Variants in SORD observed in about 807,000 individuals in gnomAD.
SORD encodes the protein (R,R)-butanediol dehydrogenase.
SORD carries 18 observed loss-of-function variants against 35.6 expected under a neutral mutation model. The observed-to-expected ratio is 0.51, with a 90% CI of 0.35 to 0.75. The LOEUF (loss-of-function observed/expected upper bound fraction) is 0.75, where lower values mean the gene tolerates loss of function less well. Ranked by LOEUF, SORD falls within the 30% of genes least tolerant of loss-of-function variation. SORD has a pLI of 0.01. For missense variants in SORD, 250 were observed against 390.2 expected, an observed-to-expected ratio of 0.64 and a Z score of 3.03; for synonymous variants, 106 against 152.9, an observed-to-expected ratio of 0.69 and a Z score of 2.26.
At chr15:45,062,347 A>G (rs1893330606) in intron 4 of SORD, among the ~76,000 whole-genome samples, 1 of 152,210 alleles carries the variant, frequency 6.6e-6, no homozygotes. Flanking sequence ...AGTCTGGAGG[A>G]AGCAAAGTGC....
In SORD at chr15:45,074,350, C is replaced by T. The variant is rs892039996; in HGVS notation, c.*820C>T. The T allele has an allele frequency of 6.7e-6, 1 of 149,630 alleles. No individual in the cohort carries two copies. Among genetic ancestry groups the T allele is most frequent in the Admixed American group, 6.6e-5 (1 of 15,162 alleles). The allele number at this position is 149,630 out of a possible 1,614,324, so 9.3% of individuals were successfully genotyped here. On this transcript the variant is annotated 3_prime_UTR_variant, in exon 9 of 9. Transcript: ENST00000267814. ...AACCAGGAAACTGCTACTTGTGGAC[C>T]TCACCAGAGACCAGGAGGGTTTGGT...
chr15:45,037,765 C>T (rs909177879), intron 1 of SORD, among the ~76,000 whole-genome samples: 4 of 151,236 alleles, frequency 2.6e-5, no homozygotes, highest in African/African-American at 9.7e-5. Flanking sequence ...AATACATGGA[C>T]ACAGGGAGGG....
At chr15:45,026,666 T>A (rs1892674236) in intron 1 of SORD, among the ~76,000 whole-genome samples, 1 of 152,244 alleles carries the variant, frequency 6.6e-6, no homozygotes, top group Non-Finnish European at 1.5e-5. Context: ...AATGTATAAA[T>A]TTTCAAGGGA....
chr15:45,044,020 G>A (rs745392301), intron 3 of SORD, among the ~76,000 whole-genome samples: 170 of 152,228 alleles, frequency 1.1e-3, no homozygotes, highest in Non-Finnish European at 2.1e-3. Context: ...ATAAGGTCAC[G>A]TTATTTGGGG....
intron 1 of SORD, among the ~76,000 whole-genome samples, chr15:45,036,040 G>T (rs2141266499): frequency 6.6e-6 from 1 of 150,752 alleles, no homozygotes; most frequent in South Asian, 2.1e-4. Context: ...AACAACTGCA[G>T]AAACGCTGGC....
In SORD at chr15:45,068,896, G is replaced by A; in HGVS notation, c.630G>A (p.Leu210=). 5 of 1,478,086 alleles carry A rather than the reference G, an allele frequency of 3.4e-6. No individual in the cohort carries two copies. The highest frequency in any genetic ancestry group is 4.5e-6 in the Non-Finnish European group (5 of 1,110,590). 91.6% of individuals were successfully genotyped at this position (1,478,086 alleles called of 1,614,324 possible). The part of the protein sequence containing the change: ...VVVTDLSATR[L]SKAKEIGADL... ...CTTCAGATCTGTCTGCTACCCGATT[G>A]TCCAAAGCCAAGGAGATTGGGGCTG... Residue 210 remains leucine, a synonymous_variant, in exon 7 of 9, where the codon TTG becomes TTA. Transcript: ENST00000267814.
At chr15:45,062,187 T>G (rs1230522453) in intron 4 of SORD, among the ~76,000 whole-genome samples, 1 of 152,104 alleles carries the variant, frequency 6.6e-6, no homozygotes, top group Non-Finnish European at 1.5e-5. Context: ...TGGGCACCGT[T>G]ATTGGGTTAA....
Position 45,025,671 on chromosome 15 carries a change from G to A in SORD, c.66+2322G>A, listed in dbSNP as rs138578157. Reference sequence around the variant, plus strand: ...ATGTCTCTGGGACAGGACACAAGGTGCCTTTGAGAAATTTCCTTGGGTGCA... The same window carrying A: ...ATGTCTCTGGGACAGGACACAAGGTACCTTTGAGAAATTTCCTTGGGTGCA... On this transcript the variant is annotated intron_variant, in intron 1 of 8. Coordinates refer to ENST00000267814, the MANE Select transcript of SORD (RefSeq NM_003104.6). Among the ~76,000 whole-genome samples the A allele has an allele frequency of 2.7e-3, 411 of 151,688 alleles. 1 individual carries two copies. Among genetic ancestry groups the A allele is most frequent in the African/African-American group, 9.4e-3 (388 of 41,334 alleles).
intron 1 of SORD, among the ~76,000 whole-genome samples, chr15:45,038,898 T>C (rs1892918792): frequency 6.6e-6 from 1 of 152,162 alleles, no homozygotes; most frequent in Non-Finnish European, 1.5e-5. Context: ...TCATCACTTG[T>C]TTGGCATCTC....
chr15:45,034,030 T>C (rs1313640175), intron 1 of SORD, among the ~76,000 whole-genome samples: 2 of 152,234 alleles, frequency 1.3e-5, no homozygotes, highest in Admixed American at 6.5e-5. Context: ...AACAGTGGCC[T>C]CCTGTAATTT....
intron 5 of SORD, among the ~76,000 whole-genome samples, chr15:45,066,983 C>T (rs759428117): frequency 3.9e-5 from 6 of 152,196 alleles, no homozygotes; most frequent in African/African-American, 7.2e-5. Flanking sequence ...CCAAGAGAAC[C>T]ACTGTTAATA....
intron 1 of SORD, among the ~76,000 whole-genome samples, chr15:45,032,785 G>C (rs1343467908): frequency 6.6e-6 from 1 of 152,116 alleles, no homozygotes; most frequent in African/African-American, 2.4e-5. Flanking sequence ...AACACAGCTA[G>C]AACAAAGCCT....
chr15:45,051,241 T>C (rs1294653756), intron 3 of SORD, among the ~76,000 whole-genome samples: 2 of 152,242 alleles, frequency 1.3e-5, no homozygotes, highest in African/African-American at 4.8e-5. Context: ...TTAATTATGA[T>C]TGATAGCAAA....
Position 45,056,682 on chromosome 15 carries a change from A to G in SORD, c.266-4385A>G, listed in dbSNP as rs557548755. On this transcript the variant is annotated intron_variant, in intron 3 of 8. Coordinates refer to ENST00000267814, the MANE Select transcript of SORD (RefSeq NM_003104.6). ...TTACCTGTTTTCATTTTAAGTGGCCATTATGGGGATGTGGAATTTTTATAC... is the reference window on the plus strand; with the variant it reads ...TTACCTGTTTTCATTTTAAGTGGCCGTTATGGGGATGTGGAATTTTTATAC... Among the ~76,000 whole-genome samples the G allele has an allele frequency of 2.6e-5, 4 of 152,326 alleles. No homozygotes were observed. In the South Asian group the frequency reaches 8.3e-4, roughly 32 times the overall value.
rs190922242 is a variant in SORD, at chr15:45,026,560, G to T, written c.66+3211G>T. 4.1e-4 allele frequency among the ~76,000 whole-genome samples: 61 copies of T among 148,780 alleles called. No individual in the cohort carries two copies. The East Asian group carries it at 8.9e-3, about 22-fold the overall frequency. On this transcript the variant is annotated intron_variant, in intron 1 of 8. Transcript: ENST00000267814. ...AACTGTGGCCGATTTAGGTATACAG[G>T]GGGGCAGGGTCTACTGATAAAATGG...
At chr15:45,055,996 A>C (rs1204531263) in intron 3 of SORD, among the ~76,000 whole-genome samples, 42 of 151,286 alleles carry the variant, frequency 2.8e-4, no homozygotes, top group African/African-American at 9.7e-4. Context: ...ATCTCAAAAT[A>C]ATAAGAGCTA....
intron 1 of SORD, among the ~76,000 whole-genome samples, chr15:45,025,723 A>T (rs1415829426): frequency 1.3e-5 from 2 of 151,806 alleles, no homozygotes; most frequent in East Asian, 1.9e-4. Flanking sequence ...GGATACTATC[A>T]GGGGTGGAAA....
chr15:45,054,944 T>C (rs888605633), intron 3 of SORD, among the ~76,000 whole-genome samples: 65 of 152,180 alleles, frequency 4.3e-4, no homozygotes, highest in African/African-American at 1.5e-3. Flanking sequence ...TTGTCAAAGA[T>C]CAGATAGTTG....
intron 5 of SORD, among the ~76,000 whole-genome samples, chr15:45,066,232 G>A (rs1159907149): frequency 1.5e-5 from 2 of 136,878 alleles, no homozygotes; most frequent in East Asian, 2.2e-4. Context: ...GTGACAGAGC[G>A]AGATTCTGTC....
Sources: gnomAD v4.1 joint callset for allele counts (sites outside exome capture counted in the v4.1 genomes callset) on GRCh38, gnomAD v4.1.1 for gene constraint, MANE v1.5 for transcripts, NCBI Gene and HGNC (gene_info 2026-07-23, HGNC 2026-07-21) for gene names.